The following RFTN1 variants were observed in gnomAD, a reference collection of about 807,000 sequenced individuals.
RFTN1 encodes raftlin, lipid raft linker 1.
A neutral mutation model predicts 46.5 loss-of-function variants in RFTN1; 26 were observed. The observed-to-expected ratio is 0.56, with a 90% CI of 0.41 to 0.78. The LOEUF (loss-of-function observed/expected upper bound fraction) is 0.78. Among genes scored for constraint, RFTN1 ranks in the 30% least tolerant of loss-of-function variants. The pLI, the probability that RFTN1 is intolerant of heterozygous loss-of-function variation, is 0.00. For missense variants in RFTN1, 693 were observed against 718.7 expected (o/e 0.96, Z 0.41); for synonymous variants, 261 against 284.2 (o/e 0.92, Z 0.82).
At chr3:16,360,306 G>C (rs2072749601) in intron 6 of RFTN1, among the ~76,000 whole-genome samples, 1 of 151,878 alleles carries the variant, frequency 6.6e-6, no homozygotes, top group African/African-American at 2.4e-5. Context: ...CGAGTAGCTG[G>C]GACCACAGGC....
chr3:16,397,650 C>A (rs891051242), intron 4 of RFTN1, among the ~76,000 whole-genome samples: 7 of 151,770 alleles, frequency 4.6e-5, no homozygotes, highest in Non-Finnish European at 8.8e-5. Flanking sequence ...CTGACCACAC[C>A]CCCGCCCACC....
At chr3:16,354,411 G>A (rs184261668) in intron 7 of RFTN1, among the ~76,000 whole-genome samples, 33 of 152,352 alleles carry the variant, frequency 2.2e-4, no homozygotes, top group Admixed American at 9.1e-4. Context: ...CAGAGGCTGC[G>A]TTAGCCTGAC....
intron 2 of RFTN1, among the ~76,000 whole-genome samples, chr3:16,453,589 A>G (rs2075855605): frequency 6.6e-6 from 1 of 152,238 alleles, no homozygotes; most frequent in South Asian, 2.1e-4. Context: ...GCGAAGAAAA[A>G]CAAAGCCTTT....
In RFTN1 at chr3:16,436,958, G is replaced by C. The variant is rs577330075; in HGVS notation, c.146-2921C>G. Reference sequence around the variant, plus strand: ...AAATTCCCCTTGCTCCACTAAAAAAGTCTGTGGGTATTTTTATTGGGTCAT... The same window carrying C: ...AAATTCCCCTTGCTCCACTAAAAAACTCTGTGGGTATTTTTATTGGGTCAT... On this transcript the variant is annotated intron_variant, in intron 2 of 9. Coordinates refer to ENST00000334133, the MANE Select transcript of RFTN1 (RefSeq NM_015150.2). 1.1e-4 allele frequency among the ~76,000 whole-genome samples: 16 copies of C among 152,222 alleles called. No individual in the cohort carries two copies. The East Asian group carries it at 3.1e-3, about 29-fold the overall frequency.
At chr3:16,464,216 G>T (rs1281875788) in intron 2 of RFTN1, among the ~76,000 whole-genome samples, 1 of 152,092 alleles carries the variant, frequency 6.6e-6, no homozygotes. Flanking sequence ...GAACACAAAC[G>T]CTCTGCAGGT....
chr3:16,389,498 G>C (rs974697007), intron 4 of RFTN1, among the ~76,000 whole-genome samples: 2 of 151,976 alleles, frequency 1.3e-5, no homozygotes, highest in African/African-American at 2.4e-5. Flanking sequence ...TTTTTTTCGG[G>C]GGGGAGGGAA....
chr3:16,496,696 T>C (rs1205934092), intron 1 of RFTN1, among the ~76,000 whole-genome samples: 2 of 152,170 alleles, frequency 1.3e-5, no homozygotes, highest in Non-Finnish European at 2.9e-5. Context: ...AACGCATGCC[T>C]ATCCTGTGAC....
Position 16,489,720 on chromosome 3 carries a change from C to T in RFTN1, c.145+4005G>A, listed in dbSNP as rs1405797809. ...GTCAGGAGTTCAAGACCAGCCTGGC[C>T]AACATTGTGAAACCCCATCTCTACT... On this transcript the variant is annotated intron_variant, in intron 2 of 9. Transcript: ENST00000334133. The surrounding 1 kb of genome is among the most constrained non-coding windows in gnomAD (Gnocchi z 4.0). 1.3e-5 allele frequency among the ~76,000 whole-genome samples: 2 copies of T among 152,046 alleles called. No homozygotes were observed. The highest frequency in any genetic ancestry group is 2.9e-5 in the Non-Finnish European group (2 of 68,014).
chr3:16,318,160 C>T (rs1486899574), intron 9 of RFTN1, among the ~76,000 whole-genome samples: 2 of 152,006 alleles, frequency 1.3e-5, no homozygotes, highest in African/African-American at 2.4e-5. Context: ...AGCAAGACCA[C>T]CCGAGAGCGA....
intron 3 of RFTN1, among the ~76,000 whole-genome samples, chr3:16,416,897 T>C (rs2125460455): frequency 6.6e-6 from 1 of 152,298 alleles, no homozygotes; most frequent in South Asian, 2.1e-4. Flanking sequence ...ACACATCACA[T>C]AACATTTACC....
rs1313718424 is a variant in RFTN1 at position 16,443,674 on chromosome 3, G to T, written c.146-9637C>A. Among the ~76,000 whole-genome samples, 1 of 151,860 alleles carries T rather than the reference G, an allele frequency of 6.6e-6. No individual in the cohort carries two copies. Among genetic ancestry groups the T allele is most frequent in the African/African-American group, 2.4e-5 (1 of 41,304 alleles). On this transcript the variant is annotated intron_variant, in intron 2 of 9. Coordinates refer to ENST00000334133, the MANE Select transcript of RFTN1 (RefSeq NM_015150.2). The surrounding 1 kb of genome is among the most constrained non-coding windows in gnomAD (Gnocchi z 5.5). ...AAAGCATCAGGCTGTCGTGACAATG[G>T]GAGCGGGGAAGAGTTAAGTTGTTAT...
At chr3:16,330,203 G>C (rs2070172071) in intron 7 of RFTN1, among the ~76,000 whole-genome samples, 1 of 152,192 alleles carries the variant, frequency 6.6e-6, no homozygotes, top group African/African-American at 2.4e-5. Flanking sequence ...ATCACATGGT[G>C]AGTTGACAAG....
intron 3 of RFTN1, among the ~76,000 whole-genome samples, chr3:16,411,396 T>C (rs918799624): frequency 1.3e-5 from 2 of 152,206 alleles, no homozygotes; most frequent in Admixed American, 6.5e-5. Context: ...TCCCCAGGTG[T>C]GCAACTGTGA....
chr3:16,507,698 CACAT>C lies in RFTN1; in HGVS notation c.-9+5740_-9+5743del, dbSNP rs1291208048. Among the ~76,000 whole-genome samples the C allele has an allele frequency of 3.3e-5, 5 of 151,400 alleles. No individual in the cohort carries two copies. Among genetic ancestry groups the C allele is most frequent in the Non-Finnish European group, 5.9e-5 (4 of 67,846 alleles). On this transcript the variant is annotated intron_variant, in intron 1 of 9. Transcript: ENST00000334133. The surrounding 1 kb of genome is among the most constrained non-coding windows in gnomAD (Gnocchi z 7.1). ...ATGCACATAAACACACACATACACA[CACAT>C]ACATACACATACACACATACACACA...
rs1241909779 is a variant in RFTN1, at chr3:16,358,038, T to C, written c.1040A>G (p.His347Arg). 6 of 1,577,980 alleles carry C rather than the reference T, an allele frequency of 3.8e-6. No individual in the cohort carries two copies. The highest frequency in any genetic ancestry group is 3.6e-5 in the Admixed American group (2 of 55,448). ...GATGAATACTCCATCTGTCAAGCCA[T>C]GTAAGGAATCTGTGGAAAAAGAAAA... ...FYLGIVNDSL[H>R]GLTDGVFIFE... Residue 347 changes from histidine to arginine, a missense_variant, in exon 7 of 10, where the codon CAT becomes CGT. Transcript: ENST00000334133.
At chr3:16,366,894 G>A (rs183530797) in intron 6 of RFTN1, among the ~76,000 whole-genome samples, 15 of 143,764 alleles carry the variant, frequency 1.0e-4, no homozygotes, top group Admixed American at 8.9e-4. Flanking sequence ...CCAAGACACC[G>A]GGTCATTCTA....
rs1381107951 is a variant in RFTN1 at position 16,433,098 on chromosome 3, T to C, written c.332+753A>G. On this transcript the variant is annotated intron_variant, in intron 3 of 9. Transcript: ENST00000334133. This position sits in a 1 kb window ranked among gnomAD's most constrained non-coding sequence, Gnocchi z 4.4. ...GGCCAAAAGACAAATCTGATTTCCTTTCCCAGACTTCATTTTAATTTTTAT... is the reference window on the plus strand; with the variant it reads ...GGCCAAAAGACAAATCTGATTTCCTCTCCCAGACTTCATTTTAATTTTTAT... 6.6e-6 allele frequency among the ~76,000 whole-genome samples: 1 copy of C among 152,172 alleles called. No homozygotes were observed. The highest frequency in any genetic ancestry group is 2.4e-5 in the African/African-American group (1 of 41,440).
intron 2 of RFTN1, among the ~76,000 whole-genome samples, chr3:16,445,097 T>C (rs970798713): frequency 6.6e-6 from 1 of 152,220 alleles, no homozygotes; most frequent in Admixed American, 6.5e-5. Flanking sequence ...TCCAAGAACC[T>C]ATTAACAATG....
At chr3:16,411,841 T>C (rs906541283) in intron 3 of RFTN1, among the ~76,000 whole-genome samples, 96 of 152,318 alleles carry the variant, frequency 6.3e-4, no homozygotes, top group African/African-American at 2.2e-3. Flanking sequence ...TTCAAATGAA[T>C]AGACTAAAAA....
Sources: allele counts gnomAD v4.1 joint callset (sites outside exome capture counted in the v4.1 genomes callset), GRCh38; gene constraint gnomAD v4.1.1; non-coding constraint Gnocchi (gnomAD v3.1); transcripts MANE v1.5; gene names NCBI Gene and HGNC (gene_info 2026-07-23, HGNC 2026-07-21).